The following PTPRM variants were observed in gnomAD, a reference collection of about 807,000 sequenced individuals.
PTPRM encodes the protein protein tyrosine phosphatase receptor type M, also known as receptor-type tyrosine-protein phosphatase mu.
Under a neutral mutation model 186.7 loss-of-function variants are expected in PTPRM, and 47 were observed. The ratio of observed to expected loss-of-function variants is 0.25; its 90% confidence interval spans 0.20 to 0.32. The LOEUF is 0.32. Ranked by LOEUF, PTPRM falls within the 10% of genes least tolerant of loss-of-function variation. PTPRM has a pLI of 1.00. For synonymous variants in PTPRM, 668 were observed against 674.9 expected, an observed-to-expected ratio of 0.99 and a Z score of 0.16; for missense variants, 1,494 against 1,865.0, an observed-to-expected ratio of 0.80 and a Z score of 3.66.
chr18:7,819,710 A>G (rs1323009377), intron 2 of PTPRM, among the ~76,000 whole-genome samples: 2 of 152,190 alleles, frequency 1.3e-5, no homozygotes, highest in African/African-American at 4.8e-5. Context: ...CAAGCTGCCT[A>G]TGGACAGGGG....
intron 13 of PTPRM, among the ~76,000 whole-genome samples, chr18:8,127,597 T>C (rs1290230343): frequency 3.3e-5 from 5 of 152,254 alleles, no homozygotes; most frequent in African/African-American, 1.2e-4. Context: ...GACCAAGAGC[T>C]ACACAGACCC....
chr18:8,402,028 A>G (rs966176497), intron 32 of PTPRM, among the ~76,000 whole-genome samples: 1 of 152,244 alleles, frequency 6.6e-6, no homozygotes. Context: ...TGGAGCACTC[A>G]GGACCAAGGC....
rs550001930 is a variant in PTPRM, at chr18:7,947,936, G to A, written c.664-1245G>A. 9.9e-5 allele frequency among the ~76,000 whole-genome samples: 15 copies of A among 152,194 alleles called. No homozygotes were observed. The South Asian group carries it at 1.9e-3, about 19-fold the overall frequency. ...CCACTTTTCTTTTGGGTACCATTGT[G>A]ATCATGCTATCTTGACATAGTGATA... On this transcript the variant is annotated intron_variant, in intron 5 of 32. Coordinates refer to ENST00000580170, the MANE Select transcript of PTPRM (RefSeq NM_001105244.2).
chr18:7,828,123 C>T (rs1189425133), intron 2 of PTPRM, among the ~76,000 whole-genome samples: 4 of 152,090 alleles, frequency 2.6e-5, no homozygotes, highest in Non-Finnish European at 5.9e-5. Context: ...GTGGTCCTAT[C>T]TCATAATTAG....
chr18:7,597,318 T>A (rs2037291447), intron 1 of PTPRM, among the ~76,000 whole-genome samples: 1 of 152,176 alleles, frequency 6.6e-6, no homozygotes, highest in Non-Finnish European at 1.5e-5. Flanking sequence ...GGTGAGAGAA[T>A]GCTGTTCTCT....
chr18:8,004,743 CAGA>C (rs1209878052), intron 7 of PTPRM, among the ~76,000 whole-genome samples: 1 of 152,118 alleles, frequency 6.6e-6, no homozygotes, highest in East Asian at 1.9e-4. Flanking sequence ...TGCACGAAGC[CAGA>C]AGGAGCCAGG....
chr18:8,009,115 A>G (rs2084364742), intron 7 of PTPRM, among the ~76,000 whole-genome samples: 1 of 152,170 alleles, frequency 6.6e-6, no homozygotes, highest in African/African-American at 2.4e-5. Context: ...GGAGAGAGCA[A>G]GGACATTTCA....
At chr18:7,738,196 G>A (rs1468197658) in intron 1 of PTPRM, among the ~76,000 whole-genome samples, 1 of 152,114 alleles carries the variant, frequency 6.6e-6, no homozygotes, top group African/African-American at 2.4e-5. Flanking sequence ...AATCAAAATA[G>A]GAACCATTGC....
intron 1 of PTPRM, among the ~76,000 whole-genome samples, chr18:7,654,565 T>A (rs1265370703): frequency 6.6e-6 from 1 of 152,204 alleles, no homozygotes. Flanking sequence ...TAAGTTGTCT[T>A]CCAGGGTTTT....
chr18:8,400,195 G>T (rs1176229820), intron 32 of PTPRM, among the ~76,000 whole-genome samples: 1 of 152,218 alleles, frequency 6.6e-6, no homozygotes, highest in African/African-American at 2.4e-5. Flanking sequence ...CATCTCCTCA[G>T]TGGTTCTCAA....
intron 1 of PTPRM, chr18:7,747,775 C>T (rs554946127): frequency 1.3e-5 from 2 of 152,264 alleles, no homozygotes; most frequent in East Asian, 3.9e-4. Context: ...TCTGCAATGA[C>T]CCTATTTTTA....
At chr18:7,980,655 A>C (rs988365391) in intron 7 of PTPRM, among the ~76,000 whole-genome samples, 1 of 152,186 alleles carries the variant, frequency 6.6e-6, no homozygotes, top group African/African-American at 2.4e-5. Flanking sequence ...AAGCACTGGG[A>C]TCACAGGTTT....
chr18:8,384,801 A>G, intron 30 of PTPRM, 115 bp downstream of exon 30: 1 of 1,336,652 alleles, frequency 7.5e-7, no homozygotes, highest in South Asian at 1.4e-5. Flanking sequence ...GGAGTATGTC[A>G]GTGAACCAAA....
chr18:8,022,743 T>C (rs2085312258), intron 7 of PTPRM, among the ~76,000 whole-genome samples: 1 of 152,138 alleles, frequency 6.6e-6, no homozygotes, highest in Non-Finnish European at 1.5e-5. Flanking sequence ...ATAAGGCCTG[T>C]CCTTATCAAT....
intron 7 of PTPRM, among the ~76,000 whole-genome samples, chr18:7,958,457 G>A (rs545190276): frequency 6.6e-6 from 1 of 152,284 alleles, no homozygotes; most frequent in South Asian, 2.1e-4. Context: ...AAAGAACTGA[G>A]AAGGGGATGG....
chr18:8,344,448 GTATATATATATATATATA>G (rs1207996603), intron 23 of PTPRM, among the ~76,000 whole-genome samples: 1 of 33,420 alleles, frequency 3.0e-5, no homozygotes, highest in Non-Finnish European at 1.1e-4. Flanking sequence ...GTGTGTGTGT[GTATATATATATATATATA>G]TATATATATC....
chr18:8,342,487 T>G (rs1347625941), intron 22 of PTPRM, among the ~76,000 whole-genome samples: 1 of 152,234 alleles, frequency 6.6e-6, no homozygotes, highest in East Asian at 1.9e-4. Context: ...TCCAGCAATC[T>G]GAAATGTCAA....
intron 10 of PTPRM, among the ~76,000 whole-genome samples, chr18:8,087,789 G>C (rs578217952): frequency 9.2e-5 from 14 of 152,200 alleles, no homozygotes; most frequent in African/African-American, 3.4e-4. Flanking sequence ...GTATATGTAA[G>C]ACAATTTTAA....
intron 2 of PTPRM, among the ~76,000 whole-genome samples, chr18:7,840,264 T>A (rs1165683189): frequency 6.6e-6 from 1 of 151,914 alleles, no homozygotes; most frequent in African/African-American, 2.4e-5. Flanking sequence ...TTAATTGGTG[T>A]CCTTGCAGGA....
Sources: gnomAD v4.1 joint callset for allele counts (sites outside exome capture counted in the v4.1 genomes callset) on GRCh38, gnomAD v4.1.1 for gene constraint, MANE v1.5 for transcripts, NCBI Gene and HGNC (gene_info 2026-07-23, HGNC 2026-07-21) for gene names.